The following GRID2 variants were observed in gnomAD, a reference collection of about 807,000 sequenced individuals.
GRID2 encodes the protein glutamate ionotropic receptor delta type subunit 2.
Under a neutral mutation model 114.8 loss-of-function variants are expected in GRID2, and 33 were observed. The ratio of observed to expected loss-of-function variants is 0.29; its 90% CI spans 0.22 to 0.38. GRID2 has a LOEUF of 0.38. Ranked by LOEUF, GRID2 falls within the 10% of genes least tolerant of loss-of-function variation. The pLI is 1.00. For missense variants in GRID2, 1,184 were observed against 1,257.7 expected (o/e 0.94, Z 0.89); for synonymous variants, 505 against 449.9 (o/e 1.12, Z -1.55).
At chr4:93,258,710 T>C (rs1749904745) in intron 8 of GRID2, among the ~76,000 whole-genome samples, 1 of 151,852 alleles carries the variant, frequency 6.6e-6, no homozygotes, top group Non-Finnish European at 1.5e-5. Flanking sequence ...GTGCCATAAC[T>C]AATATTAAAT....
At chr4:92,403,887 C>T (rs890222823) in intron 1 of GRID2, among the ~76,000 whole-genome samples, 1 of 152,066 alleles carries the variant, frequency 6.6e-6, no homozygotes, top group Middle Eastern at 3.4e-3. Context: ...GAAAGTGGAG[C>T]AGTCTGAACA....
chr4:92,532,827 T>G (rs1264085503), intron 1 of GRID2, among the ~76,000 whole-genome samples: 1 of 152,062 alleles, frequency 6.6e-6, no homozygotes, highest in Non-Finnish European at 1.5e-5. Context: ...AATCTCAACA[T>G]TTTGGGAGGC....
intron 2 of GRID2, among the ~76,000 whole-genome samples, chr4:92,803,097 C>T (rs1359678969): frequency 2.6e-5 from 4 of 151,744 alleles, no homozygotes; most frequent in Non-Finnish European, 5.9e-5. Flanking sequence ...TTTTCTCTCT[C>T]GAGGGATGTT....
intron 14 of GRID2, among the ~76,000 whole-genome samples, chr4:93,764,934 C>T (rs1426122440): frequency 1.3e-5 from 2 of 152,000 alleles, no homozygotes; most frequent in African/African-American, 2.4e-5. Context: ...GTCATACATA[C>T]GCGCACACAC....
intron 1 of GRID2, among the ~76,000 whole-genome samples, chr4:93,786,885 T>A (rs1734604388): frequency 6.6e-6 from 1 of 152,130 alleles, no homozygotes; most frequent in Non-Finnish European, 1.5e-5. Flanking sequence ...AGTTGTAGAG[T>A]AAGCAGTAAA....
intron 13 of GRID2, among the ~76,000 whole-genome samples, chr4:93,594,534 G>A (rs1487210353): frequency 6.6e-6 from 1 of 152,162 alleles, no homozygotes; most frequent in Admixed American, 6.5e-5. Context: ...CCCCAGAGGT[G>A]GAGCCTACAG....
rs72883951 is a variant in GRID2, at chr4:92,780,497, T to C, written c.244+190211T>C. Among the ~76,000 whole-genome samples the C allele has an allele frequency of 3.9e-3, 597 of 152,250 alleles. 7 individuals are homozygous for C. The highest frequency in any genetic ancestry group is 0.014 in the African/African-American group (562 of 41,572). On this transcript the variant is annotated intron_variant, in intron 2 of 15. Transcript: ENST00000282020. ...AGTCTTCATTTTTATTACATAACTT[T>C]TGGTACTATAATGAGTATAATTTAA...
chr4:93,058,586 C>T (rs955936156), intron 2 of GRID2, among the ~76,000 whole-genome samples: 1 of 151,842 alleles, frequency 6.6e-6, no homozygotes, highest in Non-Finnish European at 1.5e-5. Flanking sequence ...GCTATGTGTG[C>T]CGTTATTGCT....
intron 1 of GRID2, among the ~76,000 whole-genome samples, chr4:92,585,696 C>T (rs12508312): frequency 0.38 from 57,591 of 151,480 alleles, 10,952 homozygotes; most frequent in Middle Eastern, 0.46. Context: ...AAATTATGTG[C>T]AGGATGAACA....
intron 2 of GRID2, among the ~76,000 whole-genome samples, chr4:92,846,382 C>T (rs1292358371): frequency 6.6e-6 from 1 of 151,790 alleles, no homozygotes; most frequent in African/African-American, 2.4e-5. Flanking sequence ...CTATGTGTAC[C>T]CAGTGTTTAG....
At chr4:92,933,967 T>G (rs1205249430) in intron 2 of GRID2, among the ~76,000 whole-genome samples, 1 of 151,738 alleles carries the variant, frequency 6.6e-6, no homozygotes. Flanking sequence ...TGAAACTTCC[T>G]GCAAATATAA....
intron 1 of GRID2, among the ~76,000 whole-genome samples, chr4:92,330,874 T>C (rs1255158967): frequency 1.3e-5 from 2 of 152,144 alleles, no homozygotes; most frequent in Admixed American, 1.3e-4. Context: ...TTCTCAAATG[T>C]ATATGAAAAT....
chr4:92,799,753 T>C (rs1285591468), intron 2 of GRID2, among the ~76,000 whole-genome samples: 1 of 152,022 alleles, frequency 6.6e-6, no homozygotes, highest in Non-Finnish European at 1.5e-5. Flanking sequence ...TACTGGAGGT[T>C]AGGGCTTCCA....
chr4:93,623,160 T>G (rs1742367802), intron 13 of GRID2, among the ~76,000 whole-genome samples: 1 of 152,130 alleles, frequency 6.6e-6, no homozygotes, highest in African/African-American at 2.4e-5. Flanking sequence ...ATTCTTTTTT[T>G]TATTATTATT....
Position 92,346,490 on chromosome 4 carries a change from C to A in GRID2, c.88+41746C>A, listed in dbSNP as rs186832256. ...ACTGCTCTTCCCACCTCAGCCCCCA[C>A]AAGTAGCTGGAACTGCAAGCAAGCA... On this transcript the variant is annotated intron_variant, in intron 1 of 15. Transcript: ENST00000282020. Among the ~76,000 whole-genome samples the A allele has an allele frequency of 3.4e-3, 513 of 152,162 alleles. 1 individual carries two copies. Among genetic ancestry groups the A allele is most frequent in the Non-Finnish European group, 5.5e-3 (371 of 67,984 alleles).
intron 2 of GRID2, among the ~76,000 whole-genome samples, chr4:92,677,831 T>G (rs953619370): frequency 1.3e-5 from 2 of 152,154 alleles, no homozygotes; most frequent in African/African-American, 4.8e-5. Flanking sequence ...CCTGATTTCA[T>G]TATTTTCTTC....
chr4:93,161,262 T>G (rs967911390), intron 4 of GRID2, among the ~76,000 whole-genome samples: 5 of 151,900 alleles, frequency 3.3e-5, no homozygotes, highest in Non-Finnish European at 7.4e-5. Context: ...AATTTTGACC[T>G]CTTAGAAATC....
intron 1 of GRID2, among the ~76,000 whole-genome samples, chr4:92,384,292 C>A (rs933870503): frequency 4.7e-5 from 7 of 147,692 alleles, no homozygotes; most frequent in Non-Finnish European, 8.9e-5. Context: ...CGAAGTTTTC[C>A]CTCAGCCACA....
chr4:93,206,897 A>G (rs1464090794), intron 4 of GRID2, among the ~76,000 whole-genome samples: 1 of 152,130 alleles, frequency 6.6e-6, no homozygotes, highest in African/African-American at 2.4e-5. Context: ...CGTTACAAAC[A>G]TTTTCAGGAG....
Sources: allele counts gnomAD v4.1 joint callset (sites outside exome capture counted in the v4.1 genomes callset), GRCh38; gene constraint gnomAD v4.1.1; transcripts MANE v1.5; gene names NCBI Gene and HGNC (gene_info 2026-07-23, HGNC 2026-07-21).